The following BRD9 variants were observed in gnomAD, a reference collection of about 807,000 sequenced individuals.
The protein encoded by BRD9 is bromodomain-containing protein 9.
In BRD9, 47 loss-of-function variants were observed where a neutral mutation model predicts 68.7. The observed-to-expected ratio is 0.68, with a 90% CI of 0.54 to 0.87. The LOEUF (loss-of-function observed/expected upper bound fraction) is 0.87. BRD9 is among the 40% of genes least tolerant of loss of function. The pLI is 0.00. For missense variants in BRD9, 670 were observed against 748.4 expected (o/e 0.90, Z 1.22); for synonymous variants, 313 against 293.9 (o/e 1.06, Z -0.67).
At position 883,932 on chromosome 5, in the gene BRD9, C is replaced by G. The variant is rs1437598477; in HGVS notation, c.966+6G>C. 6 of 1,610,330 alleles carry G rather than the reference C, an allele frequency of 3.7e-6. No homozygotes were observed. In the Middle Eastern group the frequency reaches 8.3e-4, roughly 222 times the overall value. On this transcript the variant is annotated splice_donor_region_variant and intron_variant, in intron 8 of 15. Transcript: ENST00000467963. ...GCACCCTCTCTCGGTGGCCACAGAG[C>G]ACTACCTTGCCGCCTGGGAGGAACC...
At chr5:876,075 C>G (rs1467728999) in intron 12 of BRD9, 26 bp downstream of exon 12, 2 of 1,560,760 alleles carry the variant, frequency 1.3e-6, no homozygotes, top group Non-Finnish European at 8.8e-7. Flanking sequence ...CACCTGCCCC[C>G]CAACCCCGGT....
chr5:891,073 A>C lies in BRD9; in HGVS notation c.400+82T>G. 6 of 1,446,960 alleles carry C rather than the reference A, an allele frequency of 4.1e-6. No individual in the cohort carries two copies. In the South Asian group the frequency reaches 8.6e-5, roughly 21 times the overall value. The allele number at this position is 1,446,960 out of a possible 1,614,324, so 89.6% of individuals were successfully genotyped here. On this transcript the variant is annotated intron_variant, in intron 3 of 15. Coordinates refer to ENST00000467963, the MANE Select transcript of BRD9 (RefSeq NM_023924.5). ...CTCCTCCCTCCCATGCTTCTCCCCA[A>C]AGCAACAGGACACGGTGCCGACCCC...
intron 15 of BRD9, among the ~76,000 whole-genome samples, chr5:865,059 AC>A (rs1286922802): frequency 6.6e-6 from 1 of 151,936 alleles, no homozygotes; most frequent in Non-Finnish European, 1.5e-5. Context: ...TGGGAACAAA[AC>A]CCCACCCACC....
Position 892,743 on chromosome 5 carries a change from G to C in BRD9, c.-86C>G. On this transcript the variant is annotated 5_prime_UTR_variant, in exon 1 of 16. Coordinates refer to ENST00000467963, the MANE Select transcript of BRD9 (RefSeq NM_023924.5). ...TGGCCGCCACCGCCCCCTGGCCCTGGCTGGCCGCCCGCGCTCGCTGCGCCG... is the reference window on the plus strand; with the variant it reads ...TGGCCGCCACCGCCCCCTGGCCCTGCCTGGCCGCCCGCGCTCGCTGCGCCG... The C allele has an allele frequency of 8.3e-7, 1 of 1,202,198 alleles. No individual in the cohort carries two copies. The highest frequency in any genetic ancestry group is 1.0e-6 in the Non-Finnish European group (1 of 957,568). The allele number at this position is 1,202,198 out of a possible 1,614,324, so 74.5% of individuals were successfully genotyped here.
intron 11 of BRD9, among the ~76,000 whole-genome samples, chr5:877,825 GC>G (rs1411891507): frequency 6.6e-6 from 1 of 152,128 alleles, no homozygotes; most frequent in Non-Finnish European, 1.5e-5. Flanking sequence ...CATTAGGGTG[GC>G]CCTGATCCAA....
intron 6 of BRD9, 126 bp from the exon 7 acceptor site, chr5:886,833 T>A: frequency 6.7e-7 from 1 of 1,483,696 alleles, no homozygotes; most frequent in Admixed American, 1.9e-5. Flanking sequence ...GCCGTGACGA[T>A]GGGATGGGAT....
At chr5:885,657 C>A (rs911294076) in intron 7 of BRD9, among the ~76,000 whole-genome samples, 1 of 152,222 alleles carries the variant, frequency 6.6e-6, no homozygotes, top group African/African-American at 2.4e-5. Context: ...GGGAAGACCG[C>A]GAGCCACAGT....
At position 865,401 on chromosome 5, in the gene BRD9, G is replaced by A. The variant is rs753955523; in HGVS notation, c.1693+13C>T. On this transcript the variant is annotated intron_variant, in intron 15 of 15. Coordinates refer to ENST00000467963, the MANE Select transcript of BRD9 (RefSeq NM_023924.5). The stretch of plus-strand genomic sequence containing the variant: ...GGGTCTCTGGGGATGCGGCGTGGGT[G>A]GGGGCATCTCACCCAGGTGGTGCTG... The A allele has an allele frequency of 5.1e-6, 8 of 1,561,928 alleles. No individual in the cohort carries two copies. The highest frequency in any genetic ancestry group is 7.0e-6 in the Non-Finnish European group (8 of 1,150,084).
At chr5:864,687 A>G in intron 15 of BRD9, 119 bp from the exon 16 acceptor site, 2 of 788,610 alleles carry the variant, frequency 2.5e-6, no homozygotes, top group Non-Finnish European at 4.1e-6. Context: ...CTCCCAGGAC[A>G]CAGGGGCACC....
Position 892,681 on chromosome 5 carries a change from G to A in BRD9, c.-24C>T, listed in dbSNP as rs920735759. ...ATGGCGGCGCCGGCGGCGGGCCCGA[G>A]GCGGGGGCTGGGAACAGCTGGCACC... On this transcript the variant is annotated 5_prime_UTR_variant, in exon 1 of 16. Coordinates refer to ENST00000467963, the MANE Select transcript of BRD9 (RefSeq NM_023924.5). 1.4e-6 allele frequency: 2 copies of A among 1,397,632 alleles called. No individual in the cohort carries two copies. The highest frequency in any genetic ancestry group is 1.5e-5 in the African/African-American group (1 of 66,102). 86.6% of individuals were successfully genotyped at this position (1,397,632 alleles called of 1,614,324 possible). A position where few individuals can be genotyped will look rare whatever the true frequency, so the allele number is the denominator to read the frequency against.
chr5:878,573 A>T, intron 10 of BRD9, 86 bp from the exon 11 acceptor site: 1 of 1,581,292 alleles, frequency 6.3e-7, no homozygotes, highest in Non-Finnish European at 8.6e-7. Flanking sequence ...GGGCTGAGGG[A>T]CCGCCTGGCT....
In BRD9 at chr5:870,516, G is replaced by T; in HGVS notation, c.1482C>A (p.Ser494=). 1.2e-6 allele frequency: 2 copies of T among 1,614,192 alleles called. 1 individual carries two copies. Among genetic ancestry groups the T allele is most frequent in the South Asian group, 2.2e-5 (2 of 91,088 alleles). Residue 494 remains serine, a synonymous_variant, in exon 14 of 16, where the codon TCC becomes TCA. Coordinates refer to ENST00000467963, the MANE Select transcript of BRD9 (RefSeq NM_023924.5). ...AGATATCCACAGAAACGTCGGGATA[G>T]GACTTCATCGACATGAACTCCAGAA... The part of the protein sequence containing the change: ...SSVLEFMSMK[S]YPDVSVDISM...
chr5:889,815 C>T, intron 3 of BRD9, 168 bp from the exon 4 acceptor site: 3 of 1,433,428 alleles, frequency 2.1e-6, no homozygotes, highest in South Asian at 1.2e-5. Flanking sequence ...CCACCAAGCT[C>T]AGCCGGGTAG....
At chr5:876,353 G>A (rs898585198) in intron 11 of BRD9, 141 bp from the exon 12 acceptor site, 2 of 601,402 alleles carry the variant, frequency 3.3e-6, no homozygotes, top group Non-Finnish European at 5.9e-6. Flanking sequence ...TTTGTGGGGA[G>A]TGGCTGATAG....
Position 877,876 on chromosome 5 carries a change from A to G in BRD9, c.1271+479T>C, listed in dbSNP as rs1751188732. Among the ~76,000 whole-genome samples, 2 of 152,066 alleles carry G rather than the reference A, an allele frequency of 1.3e-5. 1 individual carries two copies. Among genetic ancestry groups the G allele is most frequent in the Non-Finnish European group, 2.9e-5 (2 of 68,010 alleles). ...TTGAGAACGGTAGGGTCTCCAGGAG[A>G]GCCGAGGACACAGACACACGCAGGA... On this transcript the variant is annotated intron_variant, in intron 11 of 15. Coordinates refer to ENST00000467963, the MANE Select transcript of BRD9 (RefSeq NM_023924.5).
intron 12 of BRD9, among the ~76,000 whole-genome samples, chr5:872,113 GC>G (rs778312878): frequency 2.0e-5 from 3 of 152,240 alleles, no homozygotes; most frequent in Non-Finnish European, 4.4e-5. Flanking sequence ...GGTGGGCCGG[GC>G]CGTGCATTGT....
At chr5:868,512 C>G (rs1444333945) in intron 14 of BRD9, 1 of 152,264 alleles carries the variant, frequency 6.6e-6, no homozygotes, top group Non-Finnish European at 1.5e-5. Flanking sequence ...GGGGTCCCCC[C>G]CAGTGCTAGG....
chr5:884,911 G>A (rs1185731993), intron 7 of BRD9, among the ~76,000 whole-genome samples: 3 of 152,234 alleles, frequency 2.0e-5, no homozygotes, highest in African/African-American at 4.8e-5. Flanking sequence ...GCCTGAGCTC[G>A]GCACGCTCTC....
Position 864,248 on chromosome 5 carries a change from C to T in BRD9, c.*220G>A, listed in dbSNP as rs530399033. The T allele has an allele frequency of 1.4e-4, 57 of 419,208 alleles. No homozygotes were observed. The South Asian group carries it at 1.4e-3, about 10-fold the overall frequency. The allele number at this position is 419,208 out of a possible 1,614,324, so 26.0% of individuals were successfully genotyped here. A position where few individuals can be genotyped will look rare whatever the true frequency, so the allele number is the denominator to read the frequency against. ...TGTGTACAGAGACTCTCTCTGCTGA[C>T]ACGATGGCCATATGGCCTTCGCGTA... is the stretch of plus-strand genomic sequence containing the variant. On this transcript the variant is annotated 3_prime_UTR_variant, in exon 16 of 16. Transcript: ENST00000467963.
Sources: gnomAD v4.1 joint callset for allele counts (sites outside exome capture counted in the v4.1 genomes callset) on GRCh38, gnomAD v4.1.1 for gene constraint, MANE v1.5 for transcripts, NCBI Gene and HGNC (gene_info 2026-07-23, HGNC 2026-07-21) for gene names.